The following RNF152 variants were observed in gnomAD, a reference collection of about 807,000 sequenced individuals.
RNF152 encodes the protein E3 ubiquitin-protein ligase RNF152.
Under a neutral mutation model 12.7 loss-of-function variants are expected in RNF152, and 11 were observed. That is an observed-to-expected ratio of 0.86 (90% CI 0.54 to 1.43). The LOEUF is 1.43. Ranked by LOEUF, RNF152 falls within the 40% of genes most tolerant of loss-of-function variation. The pLI is 0.00. For missense variants in RNF152, 255 were observed against 274.8 expected (o/e 0.93, Z 0.51); for synonymous variants, 113 against 120.3 (o/e 0.94, Z 0.40).
intron 1 of RNF152, among the ~76,000 whole-genome samples, chr18:61,852,938 C>G (rs1911052460): frequency 6.6e-6 from 1 of 152,096 alleles, no homozygotes; most frequent in Non-Finnish European, 1.5e-5. Flanking sequence ...ATTAAGAAGC[C>G]CTTTTTATTG....
At chr18:61,854,648 T>A (rs764894814) in intron 1 of RNF152, among the ~76,000 whole-genome samples, 1 of 152,170 alleles carries the variant, frequency 6.6e-6, no homozygotes, top group Non-Finnish European at 1.5e-5. Flanking sequence ...AGGTAGTGAC[T>A]ACAATTTTCA....
chr18:61,814,360 GTTATAT>G lies in RNF152; in HGVS notation c.*1486_*1491del, dbSNP rs1908960906. On this transcript the variant is annotated 3_prime_UTR_variant, in exon 2 of 2. Transcript: ENST00000312828. ...AGGGATTCAGTGGAACATAAAAACA[GTTATAT>G]TTATAAGTGGAGTCCTTGTCACATA... 1 of 152,092 alleles carries G rather than the reference GTTATAT, an allele frequency of 6.6e-6. No homozygotes were observed. Among genetic ancestry groups the G allele is most frequent in the Admixed American group, 6.6e-5 (1 of 15,266 alleles). 9.4% of individuals were successfully genotyped at this position (152,092 alleles called of 1,614,324 possible).
intron 1 of RNF152, among the ~76,000 whole-genome samples, chr18:61,873,818 G>T (rs1912101237): frequency 6.6e-6 from 1 of 152,208 alleles, no homozygotes; most frequent in Admixed American, 6.5e-5. Flanking sequence ...CAAGGAAAGT[G>T]GACTTGTTTT....
At chr18:61,834,327 C>G (rs1329531810) in intron 1 of RNF152, among the ~76,000 whole-genome samples, 4 of 152,254 alleles carry the variant, frequency 2.6e-5, no homozygotes, top group Non-Finnish European at 5.9e-5. Flanking sequence ...GCCCAAATGT[C>G]TATCACCTCC....
intron 1 of RNF152, among the ~76,000 whole-genome samples, chr18:61,863,719 G>A (rs563999863): frequency 6.6e-5 from 10 of 152,222 alleles, no homozygotes; most frequent in East Asian, 3.9e-4. Context: ...TCTGGGCTTC[G>A]AAGAGTGCTT....
chr18:61,835,358 C>A (rs773895953), intron 1 of RNF152, among the ~76,000 whole-genome samples: 3 of 152,130 alleles, frequency 2.0e-5, no homozygotes, highest in Non-Finnish European at 4.4e-5. Context: ...TTATGAATGG[C>A]TTTGGAATAG....
intron 1 of RNF152, among the ~76,000 whole-genome samples, chr18:61,868,934 A>G (rs139599357): frequency 1.0e-3 from 153 of 152,300 alleles, no homozygotes; most frequent in African/African-American, 3.2e-3. Context: ...AATCAGATGG[A>G]CAATAAATTG....
intron 1 of RNF152, among the ~76,000 whole-genome samples, chr18:61,836,679 G>C (rs1284020597): frequency 1.3e-5 from 2 of 151,988 alleles, no homozygotes; most frequent in African/African-American, 2.4e-5. Flanking sequence ...TGTTATGGCA[G>C]CCCAAGCTAG....
intron 1 of RNF152, among the ~76,000 whole-genome samples, chr18:61,883,512 T>C (rs1166101216): frequency 6.6e-6 from 1 of 152,208 alleles, no homozygotes. Context: ...GTTGTATCTC[T>C]ACTAACAATG....
chr18:61,873,124 T>C (rs1316149957), intron 1 of RNF152, among the ~76,000 whole-genome samples: 1 of 152,182 alleles, frequency 6.6e-6, no homozygotes, highest in Non-Finnish European at 1.5e-5. Context: ...TCACTGTGCT[T>C]TCTGTCTGCC....
intron 1 of RNF152, among the ~76,000 whole-genome samples, chr18:61,879,925 A>G (rs1170712896): frequency 2.0e-5 from 3 of 151,656 alleles, no homozygotes; most frequent in Non-Finnish European, 4.4e-5. Flanking sequence ...AGATCCCGCC[A>G]TTGCACTCCA....
At chr18:61,816,664 A>G in intron 1 of RNF152, 66 bp from the exon 2 acceptor site, 1 of 600,714 alleles carries the variant, frequency 1.7e-6, no homozygotes, top group Admixed American at 3.3e-5. Context: ...CAACATATCT[A>G]ATGGATTTAT....
intron 1 of RNF152, among the ~76,000 whole-genome samples, chr18:61,863,417 G>C (rs1212079813): frequency 2.9e-5 from 4 of 136,558 alleles, no homozygotes; most frequent in African/African-American, 1.1e-4. Flanking sequence ...CCTGGCAACA[G>C]AGTGAGACTC....
At position 61,884,135 on chromosome 18, in the gene RNF152, T is replaced by C. The variant is rs966041594; in HGVS notation, c.-136+8660A>G. Among the ~76,000 whole-genome samples the C allele has an allele frequency of 2.6e-5, 4 of 152,154 alleles. No homozygotes were observed. The East Asian group carries it at 5.8e-4, about 22-fold the overall frequency. On this transcript the variant is annotated intron_variant, in intron 1 of 1. Coordinates refer to ENST00000312828, the MANE Select transcript of RNF152 (RefSeq NM_173557.3). ...TTAGCAACAGCTGCCATTTATTTAG[T>C]CTTACATTGTGGAGGGCAACACACT...
intron 1 of RNF152, among the ~76,000 whole-genome samples, chr18:61,863,428 C>T (rs1419146652): frequency 1.6e-5 from 2 of 128,378 alleles, no homozygotes; most frequent in Non-Finnish European, 3.3e-5. Flanking sequence ...AGTGAGACTC[C>T]GTCTCAAAAA....
intron 1 of RNF152, among the ~76,000 whole-genome samples, chr18:61,844,138 G>GAAAGAA (rs1401596683): frequency 1.6e-5 from 2 of 127,878 alleles, no homozygotes; most frequent in Non-Finnish European, 1.7e-5. Flanking sequence ...AAGAAAGAAA[G>GAAAGAA]AAATTAAGAG....
intron 1 of RNF152, among the ~76,000 whole-genome samples, chr18:61,841,736 C>T (rs542120699): frequency 1.3e-5 from 2 of 152,206 alleles, no homozygotes; most frequent in Non-Finnish European, 2.9e-5. Context: ...CATGAAACCG[C>T]AAGTGAAGAA....
intron 1 of RNF152, among the ~76,000 whole-genome samples, chr18:61,844,106 G>GAAAGAAAGAA (rs1555702346): frequency 1.2e-4 from 17 of 138,932 alleles, no homozygotes; most frequent in East Asian, 4.1e-4. Context: ...AAGAAAGAAA[G>GAAAGAAAGAA]AAAGAAAGAA....
At chr18:61,881,222 C>T (rs73458476) in intron 1 of RNF152, among the ~76,000 whole-genome samples, 296 of 152,220 alleles carry the variant, frequency 1.9e-3, no homozygotes, top group African/African-American at 6.7e-3. Flanking sequence ...TTCTCTCTCT[C>T]GTTTTCTTAT....
Sources: gnomAD v4.1 joint callset for allele counts (sites outside exome capture counted in the v4.1 genomes callset) on GRCh38, gnomAD v4.1.1 for gene constraint, MANE v1.5 for transcripts, NCBI Gene and HGNC (gene_info 2026-07-23, HGNC 2026-07-21) for gene names.